Variants in TANC2 observed in about 807,000 individuals in gnomAD.
The protein encoded by TANC2 is protein TANC2.
A neutral mutation model predicts 210.5 loss-of-function variants in TANC2; 26 were observed. The ratio of observed to expected loss-of-function variants is 0.12; its 90% CI spans 0.09 to 0.17. The LOEUF (loss-of-function observed/expected upper bound fraction) is 0.17, where lower values mean the gene tolerates loss of function less well. Among genes scored for constraint, TANC2 ranks in the 10% least tolerant of loss-of-function variants. TANC2 has a pLI of 1.00. For synonymous variants in TANC2, 931 were observed against 967.1 expected (o/e 0.96, Z 0.69); for missense variants, 2,129 against 2,608.9 (o/e 0.82, Z 4.01).
intron 5 of TANC2, among the ~76,000 whole-genome samples, chr17:63,172,325 G>T (rs1296266613): frequency 1.3e-5 from 2 of 151,628 alleles, no homozygotes; most frequent in African/African-American, 4.8e-5. Flanking sequence ...GGGATTACAG[G>T]CGCCCGCCAC....
intron 9 of TANC2, among the ~76,000 whole-genome samples, chr17:63,268,105 T>C (rs1274309272): frequency 6.6e-6 from 1 of 152,176 alleles, no homozygotes; most frequent in Non-Finnish European, 1.5e-5. Flanking sequence ...TTGGAAGCAT[T>C]AGTTCCTCGA....
At chr17:63,247,874 G>T (rs1241080352) in intron 8 of TANC2, among the ~76,000 whole-genome samples, 1 of 152,080 alleles carries the variant, frequency 6.6e-6, no homozygotes, top group East Asian at 1.9e-4. Context: ...ATATGTCAGG[G>T]AATAGTTTGT....
Position 63,420,457 on chromosome 17 carries a change from C to T in TANC2, c.4727C>T (p.Thr1576Ile). The change falls in exon 28 of 28, where the codon ACT (threonine) becomes ATT (isoleucine). Residue 1576 changes from threonine (T) to isoleucine (I), a missense_variant. This residue lies in a region of TANC2 where 584 missense variants were observed against 627.3 expected (regional missense o/e 0.93). Transcript: ENST00000689528. This position sits in a 1 kb window ranked among gnomAD's most constrained non-coding sequence, Gnocchi z 4.2. ...TCCACCTCACCTGCCCTTTCTCCAA[C>T]TCATCAGAACTCACATTACAGGCCT... The T allele has an allele frequency of 6.2e-7, 1 of 1,614,030 alleles. No individual in the cohort carries two copies. The highest frequency in any genetic ancestry group is 8.5e-7 in the Non-Finnish European group (1 of 1,179,902).
intron 1 of TANC2, among the ~76,000 whole-genome samples, chr17:62,969,309 T>C (rs1307730889): frequency 6.6e-6 from 1 of 152,234 alleles, no homozygotes; most frequent in Non-Finnish European, 1.5e-5. Flanking sequence ...CAATACTATA[T>C]AGCTGAGAAG....
intron 3 of TANC2, among the ~76,000 whole-genome samples, chr17:63,077,388 G>T (rs1028823664): frequency 6.6e-6 from 1 of 152,044 alleles, no homozygotes; most frequent in Non-Finnish European, 1.5e-5. Context: ...GAAAAAGTCA[G>T]CCAAATGAAA....
chr17:63,349,810 G>A (rs1368551101), intron 12 of TANC2, among the ~76,000 whole-genome samples: 4 of 152,094 alleles, frequency 2.6e-5, no homozygotes, highest in Non-Finnish European at 4.4e-5. Flanking sequence ...CACCCCCCTC[G>A]TTGTTTGGGT....
At chr17:63,422,065 G>A in exon 28 of TANC2, 1 of 1,359,036 alleles carries the variant, frequency 7.4e-7, no homozygotes, top group East Asian at 2.4e-5. Flanking sequence ...TTTCTGTGTG[G>A]TGTTCAGAGG....
At chr17:63,369,438 G>A (rs1203926500) in intron 14 of TANC2, among the ~76,000 whole-genome samples, 2 of 152,112 alleles carry the variant, frequency 1.3e-5, no homozygotes, top group African/African-American at 4.8e-5. Flanking sequence ...ATACTGGAAG[G>A]CTGCTGGGGA....
chr17:63,358,536 C>G (rs1333122758), intron 14 of TANC2, among the ~76,000 whole-genome samples: 1 of 152,158 alleles, frequency 6.6e-6, no homozygotes, highest in Non-Finnish European at 1.5e-5. Flanking sequence ...ATTCTGCTCT[C>G]TGTTTCCCAC....
chr17:63,395,354 G>A (rs911978144), intron 17 of TANC2, among the ~76,000 whole-genome samples: 1 of 152,036 alleles, frequency 6.6e-6, no homozygotes, highest in Non-Finnish European at 1.5e-5. Context: ...TCCCTTTTTT[G>A]ATTTCAAAGA....
intron 9 of TANC2, among the ~76,000 whole-genome samples, chr17:63,271,927 T>C (rs1308126879): frequency 6.6e-6 from 1 of 152,204 alleles, no homozygotes; most frequent in African/African-American, 2.4e-5. Flanking sequence ...ATAGTGTCTT[T>C]TGCTGTGCAG....
At chr17:63,065,702 G>T (rs1275329442) in intron 2 of TANC2, among the ~76,000 whole-genome samples, 1 of 152,120 alleles carries the variant, frequency 6.6e-6, no homozygotes, top group Non-Finnish European at 1.5e-5. Flanking sequence ...GTCTTCTTTA[G>T]AGAAATGTCT....
At chr17:63,130,160 A>G (rs901075968) in intron 4 of TANC2, among the ~76,000 whole-genome samples, 1 of 152,196 alleles carries the variant, frequency 6.6e-6, no homozygotes, top group African/African-American at 2.4e-5. Flanking sequence ...CCAGTATCCA[A>G]CTTAATTGTT....
chr17:63,035,762 A>G (rs554196383), intron 2 of TANC2, among the ~76,000 whole-genome samples: 1 of 152,292 alleles, frequency 6.6e-6, no homozygotes, highest in East Asian at 1.9e-4. Context: ...GTATATGTTT[A>G]ACTACACAAG....
chr17:62,987,046 C>T (rs1028477475), intron 1 of TANC2, among the ~76,000 whole-genome samples: 2 of 152,264 alleles, frequency 1.3e-5, no homozygotes, highest in Middle Eastern at 6.8e-3. Flanking sequence ...TGTAGCTATT[C>T]TACAACATAT....
chr17:63,281,368 G>A (rs112790767), intron 9 of TANC2, among the ~76,000 whole-genome samples: 305 of 152,128 alleles, frequency 2.0e-3, no homozygotes, highest in African/African-American at 6.9e-3. Flanking sequence ...CTGCAGAGGC[G>A]GTAGGTCCCA....
chr17:63,077,315 A>G lies in TANC2; in HGVS notation c.139+3301A>G, dbSNP rs145080293. Among the ~76,000 whole-genome samples the G allele has an allele frequency of 3.9e-5, 6 of 152,384 alleles. No homozygotes were observed. In the East Asian group the frequency reaches 1.2e-3, roughly 29 times the overall value. On this transcript the variant is annotated intron_variant, in intron 3 of 27. Coordinates refer to ENST00000689528, the Ensembl canonical transcript of TANC2. Reference sequence around the variant, plus strand: ...ATAGAATTAGATGTATACATTTTCAAAAACAATCTGCCTGTCTTATACACT... The same window carrying G: ...ATAGAATTAGATGTATACATTTTCAGAAACAATCTGCCTGTCTTATACACT...
chr17:63,238,376 A>G (rs984540696), intron 8 of TANC2, among the ~76,000 whole-genome samples: 1 of 152,180 alleles, frequency 6.6e-6, no homozygotes, highest in African/African-American at 2.4e-5. Flanking sequence ...TTTTCTCTCA[A>G]TGAGAAGTCT....
chr17:62,974,360 C>G (rs1003910367), intron 1 of TANC2, among the ~76,000 whole-genome samples: 3 of 151,978 alleles, frequency 2.0e-5, no homozygotes, highest in Admixed American at 1.3e-4. Context: ...TGTTTTTCTT[C>G]GCTCACATCT....
Sources: gnomAD v4.1 joint callset for allele counts (sites outside exome capture counted in the v4.1 genomes callset) on GRCh38, gnomAD v4.1.1 for gene constraint, gnomAD v4.1.1 regional missense constraint, Gnocchi (gnomAD v3.1) non-coding constraint, MANE v1.5 for transcripts, NCBI Gene and HGNC (gene_info 2026-07-23, HGNC 2026-07-21) for gene names.